Variants in TLE1 observed in about 807,000 individuals in gnomAD.
TLE1 encodes the protein transducin-like enhancer protein 1.
In TLE1, 21 loss-of-function variants were observed where a neutral mutation model predicts 89.8. The ratio of observed to expected loss-of-function variants is 0.23; its 90% CI spans 0.17 to 0.34. The LOEUF (loss-of-function observed/expected upper bound fraction) is 0.34. Ranked by LOEUF, TLE1 falls within the 10% of genes least tolerant of loss-of-function variation. The probability of loss-of-function intolerance (pLI) is 1.00; values close to 1 mark genes in which losing one functional copy is unlikely to be tolerated. For missense variants in TLE1, 795 were observed against 1,031.2 expected, an observed-to-expected ratio of 0.77 and a Z score of 3.14; for synonymous variants, 447 against 407.6, an observed-to-expected ratio of 1.10 and a Z score of -1.16.
intron 8 of TLE1, among the ~76,000 whole-genome samples, chr9:81,632,490 T>C (rs991865776): frequency 1.3e-5 from 2 of 148,546 alleles, no homozygotes; most frequent in Non-Finnish European, 1.5e-5. Flanking sequence ...TTTTTTTTTT[T>C]TTTTTTACCA....
chr9:81,586,468 T>A (rs1365624692), intron 17 of TLE1, among the ~76,000 whole-genome samples: 1 of 152,160 alleles, frequency 6.6e-6, no homozygotes, highest in Non-Finnish European at 1.5e-5. Context: ...TATTTGTACA[T>A]CCAGATACAT....
chr9:81,688,128 G>C, intron 1 of TLE1, 89 bp downstream of exon 1: 2 of 1,529,100 alleles, frequency 1.3e-6, no homozygotes, highest in South Asian at 1.2e-5. Flanking sequence ...AGGTCCGCCG[G>C]GCCTCAGAAG....
At chr9:81,588,305 T>C (rs1002125580) in intron 16 of TLE1, among the ~76,000 whole-genome samples, 1 of 152,174 alleles carries the variant, frequency 6.6e-6, no homozygotes, top group African/African-American at 2.4e-5. Context: ...TACAGAAGCA[T>C]TCCTGTTTCC....
At chr9:81,611,708 A>G in intron 13 of TLE1, 61 bp downstream of exon 13, 7 of 1,374,820 alleles carry the variant, frequency 5.1e-6, no homozygotes, top group South Asian at 1.8e-5. Flanking sequence ...CAAACCTGAC[A>G]GCGCTCAATG....
intron 14 of TLE1, among the ~76,000 whole-genome samples, chr9:81,602,563 GTCAGGTGTGGAATTTTCCATGTGTGGC>G (rs1242952393): frequency 3.1e-4 from 47 of 152,284 alleles, no homozygotes; most frequent in African/African-American, 1.1e-3. Context: ...GTCACATGAG[GTCAGGTGTGGAATTTTCCATGTGTGGC>G]TCATGTCGGT....
intron 4 of TLE1, among the ~76,000 whole-genome samples, chr9:81,662,361 T>G (rs1028947299): frequency 2.9e-5 from 4 of 138,360 alleles, no homozygotes; most frequent in Non-Finnish European, 3.1e-5. Context: ...TGTGCCTGTT[T>G]TGTGTGTGTG....
chr9:81,623,338 T>C (rs921502346), intron 8 of TLE1, among the ~76,000 whole-genome samples: 1 of 152,154 alleles, frequency 6.6e-6, no homozygotes, highest in African/African-American at 2.4e-5. Flanking sequence ...AGACTAAACC[T>C]GGGTATTGAC....
At chr9:81,639,359 C>T (rs750716271) in intron 6 of TLE1, among the ~76,000 whole-genome samples, 4 of 152,118 alleles carry the variant, frequency 2.6e-5, no homozygotes, top group Non-Finnish European at 5.9e-5. Context: ...GCTACCATAG[C>T]TGGCCTGCAT....
intron 6 of TLE1, among the ~76,000 whole-genome samples, chr9:81,641,295 A>G (rs1255997154): frequency 1.3e-5 from 2 of 152,192 alleles, no homozygotes; most frequent in Non-Finnish European, 2.9e-5. Context: ...AGAAAACATC[A>G]AGGACACTAC....
At chr9:81,685,313 A>C (rs1287412749) in intron 4 of TLE1, among the ~76,000 whole-genome samples, 2 of 152,218 alleles carry the variant, frequency 1.3e-5, no homozygotes, top group Admixed American at 1.3e-4. Flanking sequence ...CTTCCTTGCA[A>C]AACAGCACAA....
chr9:81,588,499 G>A (rs1828967277), intron 16 of TLE1, among the ~76,000 whole-genome samples: 1 of 152,198 alleles, frequency 6.6e-6, no homozygotes, highest in Admixed American at 6.5e-5. Flanking sequence ...GGTAATTGCT[G>A]AGGCAGACCC....
chr9:81,608,685 G>A lies in TLE1; in HGVS notation c.1331+1535C>T, dbSNP rs142960681. On this transcript the variant is annotated intron_variant, in intron 14 of 19. Coordinates refer to ENST00000376499, the MANE Select transcript of TLE1 (RefSeq NM_005077.5). ...GGCACGGTGGCTCACGCCTGTAATCGCAACACTTTGGGAGGCTGAGCAGGG... is the reference window on the plus strand; with the variant it reads ...GGCACGGTGGCTCACGCCTGTAATCACAACACTTTGGGAGGCTGAGCAGGG... Among the ~76,000 whole-genome samples, 366 of 152,024 alleles carry A rather than the reference G, an allele frequency of 2.4e-3. 2 individuals carry two copies. The highest frequency in any genetic ancestry group is 8.3e-3 in the African/African-American group (346 of 41,466).
chr9:81,656,862 G>A (rs1423659850), intron 4 of TLE1, among the ~76,000 whole-genome samples: 2 of 152,158 alleles, frequency 1.3e-5, no homozygotes, highest in Non-Finnish European at 2.9e-5. Flanking sequence ...ATCTCTAAAA[G>A]GAATCCCTAG....
Position 81,584,043 on chromosome 9 carries a change from G to C in TLE1, c.*155C>G. 1 of 656,298 alleles carries C rather than the reference G, an allele frequency of 1.5e-6. No homozygotes were observed. The highest frequency in any genetic ancestry group is 2.6e-6 in the Non-Finnish European group (1 of 383,788). 40.7% of individuals were successfully genotyped at this position (656,298 alleles called of 1,614,324 possible). ...GTGACTTTCTGCTGATGGACTTGTC[G>C]CCTCCTCTTTGTAGACTCAAAGTAG... On this transcript the variant is annotated 3_prime_UTR_variant, in exon 20 of 20. Coordinates refer to ENST00000376499, the MANE Select transcript of TLE1 (RefSeq NM_005077.5).
At chr9:81,653,933 G>A (rs1829856329) in intron 5 of TLE1, 41 bp downstream of exon 5, 2 of 1,578,094 alleles carry the variant, frequency 1.3e-6, no homozygotes, top group South Asian at 1.1e-5. Context: ...AAACAGAGAA[G>A]CAACATAATT....
Position 81,688,361 on chromosome 9 carries a change from C to G in TLE1, c.-121G>C. On this transcript the variant is annotated 5_prime_UTR_variant, in exon 1 of 20. Transcript: ENST00000376499. The stretch of plus-strand genomic sequence containing the variant: ...CAAGCAGAAGCGGGGAGCGCGCTGG[C>G]CACGCACGCGCGCTCCGCCGGGCGC... The G allele has an allele frequency of 8.7e-7, 1 of 1,151,884 alleles. No homozygotes were observed. The highest frequency in any genetic ancestry group is 1.2e-6 in the Non-Finnish European group (1 of 863,312). 71.4% of individuals were successfully genotyped at this position (1,151,884 alleles called of 1,614,324 possible).
chr9:81,611,922 T>C lies in TLE1; in HGVS notation c.1101A>G (p.Pro367=), dbSNP rs146168410. The stretch of plus-strand genomic sequence containing the variant: ...GGACCATCCCAAAAGGAGCAGGATA[T>C]GGGCCGGGCACTGCCAGGGGTGTCC... ...GLRTPLAVPG[P]YPAPFGMVPH... Residue 367 remains proline, a synonymous_variant, in exon 13 of 20, where the codon CCA becomes CCG. Transcript: ENST00000376499. 4,105 of 1,502,736 alleles carry C rather than the reference T, an allele frequency of 2.7e-3. 10 individuals are homozygous for C. The highest frequency in any genetic ancestry group is 3.4e-3 in the Non-Finnish European group (3,842 of 1,128,812). The allele number at this position is 1,502,736 out of a possible 1,614,324, so 93.1% of individuals were successfully genotyped here.
intron 4 of TLE1, among the ~76,000 whole-genome samples, chr9:81,671,692 G>A (rs918823470): frequency 6.6e-6 from 1 of 151,680 alleles, no homozygotes; most frequent in Admixed American, 6.6e-5. Flanking sequence ...AATCCAGTCA[G>A]TATTTGAAAC....
At chr9:81,672,341 A>T (rs1444994227) in intron 4 of TLE1, among the ~76,000 whole-genome samples, 1 of 151,604 alleles carries the variant, frequency 6.6e-6, no homozygotes, top group African/African-American at 2.4e-5. Context: ...TATTATTATT[A>T]TTATTATTTG....
Sources: allele counts gnomAD v4.1 joint callset (sites outside exome capture counted in the v4.1 genomes callset), GRCh38; gene constraint gnomAD v4.1.1; transcripts MANE v1.5; gene names NCBI Gene and HGNC (gene_info 2026-07-23, HGNC 2026-07-21).